The following SMC4 variants were observed in gnomAD, a reference collection of about 807,000 sequenced individuals.
SMC4 encodes structural maintenance of chromosomes protein 4.
SMC4 carries 87 observed loss-of-function variants against 145.6 expected under a neutral mutation model. The observed-to-expected ratio is 0.60, with a 90% CI of 0.50 to 0.71. The LOEUF (loss-of-function observed/expected upper bound fraction) is 0.71, where lower values mean the gene tolerates loss of function less well. Among genes scored for constraint, SMC4 ranks in the 30% least tolerant of loss-of-function variants. The pLI, the probability that SMC4 is intolerant of heterozygous loss-of-function variation, is 0.00. For missense variants in SMC4, 1,447 were observed against 1,537.1 expected, an observed-to-expected ratio of 0.94 and a Z score of 0.98; for synonymous variants, 558 against 500.7, an observed-to-expected ratio of 1.11 and a Z score of -1.53.
In SMC4 at chr3:160,431,044, G is replaced by C. The variant is rs373464258; in HGVS notation, c.2953G>C (p.Glu985Gln). The C allele has an allele frequency of 4.4e-6, 7 of 1,599,380 alleles. No homozygotes were observed. The African/African-American group carries it at 9.5e-5, about 22-fold the overall frequency. The change falls in exon 20 of 24, where the codon GAG becomes CAG. Residue 985 changes from glutamate (E) to glutamine (Q), a missense_variant. Transcript: ENST00000357388. ...NTNAAEESLP[E>Q]IQKEHRNLLQ... ...TTTCGGTGTTTAGGAATCCTTACCA[G>C]AGATCCAGAAAGAACATCGCAATCT... is the stretch of plus-strand genomic sequence containing the variant.
At chr3:160,421,581 T>G (rs1380163685) in intron 13 of SMC4, among the ~76,000 whole-genome samples, 1 of 151,950 alleles carries the variant, frequency 6.6e-6, no homozygotes, top group East Asian at 2.0e-4. Flanking sequence ...CCATCTCTAC[T>G]AAAAATACAA....
At chr3:160,411,211 C>T (rs570237410) in intron 5 of SMC4, among the ~76,000 whole-genome samples, 4 of 152,270 alleles carry the variant, frequency 2.6e-5, no homozygotes, top group East Asian at 3.9e-4. Flanking sequence ...TTAGTGATTA[C>T]AAACTGAAAG....
At chr3:160,412,303 C>A in intron 6 of SMC4, 23 bp from the exon 7 acceptor site, 1 of 1,575,690 alleles carries the variant, frequency 6.3e-7, no homozygotes, top group South Asian at 1.2e-5. Context: ...TGTATTCAGT[C>A]TTTAAACTTT....
intron 13 of SMC4, 46 bp from the exon 14 acceptor site, chr3:160,423,378 CT>C: frequency 4.3e-6 from 2 of 468,464 alleles, no homozygotes; most frequent in Non-Finnish European, 6.1e-6. Context: ...TTTGAGTTTT[CT>C]TTTTTGTTAA....
intron 1 of SMC4, chr3:160,400,317 A>G (rs1201462256): frequency 6.6e-6 from 1 of 152,448 alleles, no homozygotes; most frequent in Non-Finnish European, 1.5e-5. Context: ...GGGCGGGCAG[A>G]CGAAAGCGGG....
chr3:160,402,126 T>G (rs1017082832), intron 3 of SMC4, 33 bp downstream of exon 3: 2 of 1,351,930 alleles, frequency 1.5e-6, no homozygotes, highest in Non-Finnish European at 2.0e-6. Context: ...TTTATAACTT[T>G]TTAAATAACT....
Position 160,404,241 on chromosome 3 carries a change from GT to G in SMC4, c.511-84del, listed in dbSNP as rs1576937006. On this transcript the variant is annotated intron_variant, in intron 4 of 23. Coordinates refer to ENST00000357388, the MANE Select transcript of SMC4 (RefSeq NM_001002800.3). ...TTGAAGTTTTTAATCCATAGAATTA[GT>G]TTCAGTATGAAATGAGTGAATTTTG... The G allele has an allele frequency of 3.0e-5, 37 of 1,234,152 alleles. No individual in the cohort carries two copies. The East Asian group carries it at 9.3e-4, about 31-fold the overall frequency. 76.5% of individuals were successfully genotyped at this position (1,234,152 alleles called of 1,614,324 possible). A position where few individuals can be genotyped will look rare whatever the true frequency, so the allele number is the denominator to read the frequency against.
intron 8 of SMC4, chr3:160,414,079 C>T (rs1716332716): frequency 4.7e-6 from 2 of 429,144 alleles, no homozygotes; most frequent in African/African-American, 2.1e-5. Flanking sequence ...AAGGTAAAAC[C>T]AAAATTTTAC....
intron 21 of SMC4, 31 bp from the exon 22 acceptor site, chr3:160,432,252 A>G (rs1718491069): frequency 1.4e-6 from 2 of 1,426,410 alleles, no homozygotes; most frequent in Admixed American, 3.9e-5. Context: ...ATTTATCTGA[A>G]TAGATTTTCC....
At chr3:160,433,634 G>T in intron 23 of SMC4, 23 bp from the exon 24 acceptor site, 1 of 1,444,580 alleles carries the variant, frequency 6.9e-7, no homozygotes, top group South Asian at 1.3e-5. Flanking sequence ...CTTAATGTTT[G>T]ACTTTTCTTT....
chr3:160,424,524 T>A (rs1717552723), intron 15 of SMC4, among the ~76,000 whole-genome samples: 1 of 152,150 alleles, frequency 6.6e-6, no homozygotes, highest in African/African-American at 2.4e-5. Flanking sequence ...ATCAGAAGTT[T>A]TAGGCTGGGC....
At position 160,428,891 on chromosome 3, in the gene SMC4, A is replaced by G; in HGVS notation, c.2744A>G (p.Glu915Gly). 1.2e-6 allele frequency: 2 copies of G among 1,603,036 alleles called. No individual in the cohort carries two copies. The highest frequency in any genetic ancestry group is 1.8e-5 in the Admixed American group (1 of 56,034). Residue 915 changes from glutamate to glycine, a missense_variant, in exon 18 of 24, where the codon GAA (glutamate) becomes GGA (glycine). Coordinates refer to ENST00000357388, the MANE Select transcript of SMC4 (RefSeq NM_001002800.3). Reference protein sequence around the residue: ...KLDKINKQLDECASAITKAQV... With the variant: ...KLDKINKQLDGCASAITKAQV... ...GATAAAATAAATAAGCAATTAGATG[A>G]ATGTGCTTCTGCTATTACTAAAGCC... is the stretch of plus-strand genomic sequence containing the variant.
At chr3:160,428,714 A>G in intron 17 of SMC4, 39 bp from the exon 18 acceptor site, 1 of 1,541,470 alleles carries the variant, frequency 6.5e-7, no homozygotes, top group African/African-American at 1.4e-5. Context: ...GTTCATTAGC[A>G]TAAAAACACA....
rs775652448 is a variant in SMC4 at position 160,417,748 on chromosome 3, T to C, written c.1463T>C (p.Phe488Ser). ...AGTCGAGAGAAAGAACTTATGGGTT[T>C]CAGCAAATCGGTAAATGAAGCACGT... ...KESREKELMG[F>S]SKSVNEARSK... The change falls in exon 11 of 24, where the codon TTC (phenylalanine) becomes TCC (serine). Residue 488 changes from phenylalanine (F) to serine (S), a missense_variant. Transcript: ENST00000357388. 3 of 1,612,446 alleles carry C rather than the reference T, an allele frequency of 1.9e-6. No individual in the cohort carries two copies. In the South Asian group the frequency reaches 3.3e-5, roughly 18 times the overall value.
chr3:160,430,487 T>C (rs1171717044), intron 18 of SMC4, 112 bp from the exon 19 acceptor site: 4 of 984,622 alleles, frequency 4.1e-6, no homozygotes, highest in Admixed American at 2.6e-5. Context: ...CTTAAAAATA[T>C]ATGAATAGAA....
chr3:160,416,560 TAGATG>T, intron 10 of SMC4, 145 bp downstream of exon 10: 1 of 463,386 alleles, frequency 2.2e-6, no homozygotes, highest in Non-Finnish European at 3.8e-6. Flanking sequence ...AACCTAGACT[TAGATG>T]ACTATTCTTT....
At chr3:160,429,648 C>T (rs1192936665) in intron 18 of SMC4, among the ~76,000 whole-genome samples, 7 of 149,432 alleles carry the variant, frequency 4.7e-5, no homozygotes, top group Admixed American at 2.7e-4. Context: ...CACCCAGCCA[C>T]CTTAAAATTT....
At chr3:160,430,846 T>G in intron 19 of SMC4, 103 bp downstream of exon 19, 4 of 1,354,184 alleles carry the variant, frequency 3.0e-6, no homozygotes, top group Middle Eastern at 1.9e-4. Context: ...ACTCATAGAC[T>G]TAAAGTTTTA....
chr3:160,431,763 T>A lies in SMC4; in HGVS notation c.3235T>A (p.Leu1079Met). 6.2e-7 allele frequency: 1 copy of A among 1,613,846 alleles called. No individual in the cohort carries two copies. The highest frequency in any genetic ancestry group is 8.5e-7 in the Non-Finnish European group (1 of 1,179,938). Residue 1079 changes from leucine (L) to methionine (M), a missense_variant, in exon 21 of 24, where the codon TTG becomes ATG. By Grantham distance (15) the Leu-to-Met change is conservative (BLOSUM62 2). Coordinates refer to ENST00000357388, the MANE Select transcript of SMC4 (RefSeq NM_001002800.3). ...TTCTATAACAAATCAAATTGCACTT[T>A]TGGAAGCCCGGTGTCATGAAATGAA... Reference protein sequence around the residue: ...PDSITNQIALLEARCHEMKPN... With the variant: ...PDSITNQIALMEARCHEMKPN...
Sources: allele counts gnomAD v4.1 joint callset (sites outside exome capture counted in the v4.1 genomes callset), GRCh38; gene constraint gnomAD v4.1.1; transcripts MANE v1.5; gene names NCBI Gene and HGNC (gene_info 2026-07-23, HGNC 2026-07-21).